The following SLC39A8 variants were observed in gnomAD, a reference collection of about 807,000 sequenced individuals.
SLC39A8 encodes solute carrier family 39 member 8, also known as metal cation symporter ZIP8.
In SLC39A8, 15 loss-of-function variants were observed where a neutral mutation model predicts 40.4. That is an observed-to-expected ratio of 0.37 (90% CI 0.25 to 0.57). The LOEUF (loss-of-function observed/expected upper bound fraction) is 0.57. Ranked by LOEUF, SLC39A8 falls within the 20% of genes least tolerant of loss-of-function variation. SLC39A8 has a pLI of 0.75. For synonymous variants in SLC39A8, 223 were observed against 221.6 expected, an observed-to-expected ratio of 1.01 and a Z score of -0.06; for missense variants, 472 against 558.8, an observed-to-expected ratio of 0.84 and a Z score of 1.57.
intron 6 of SLC39A8, among the ~76,000 whole-genome samples, chr4:102,288,883 T>C (rs1426793929): frequency 6.6e-6 from 1 of 152,142 alleles, no homozygotes; most frequent in Non-Finnish European, 1.5e-5. Context: ...GACATAGAAG[T>C]GCCAAGTGAA....
chr4:102,343,223 A>T (rs1736018608), intron 2 of SLC39A8, among the ~76,000 whole-genome samples: 1 of 152,222 alleles, frequency 6.6e-6, no homozygotes, highest in South Asian at 2.1e-4. Flanking sequence ...ATGGCATCAG[A>T]AAGTTCTACT....
In SLC39A8 at chr4:102,344,539, T is replaced by C; in HGVS notation, c.124A>G (p.Ser42Gly). Reference sequence around the variant, plus strand: ...TGCTGGAGCTGCGCCGCCGACAGGCTCAGATTCGCGCCGAACACGCTCAGC... The same window carrying C: ...TGCTGGAGCTGCGCCGCCGACAGGCCCAGATTCGCGCCGAACACGCTCAGC... ...DVLSVFGANL[S>G]LSAAQLQHLL... is the part of the protein sequence containing the mutation. Residue 42 changes from serine to glycine, a missense_variant, in exon 2 of 9, where the codon AGC becomes GGC. Coordinates refer to ENST00000356736, the MANE Select transcript of SLC39A8 (RefSeq NM_001135146.2). 1.3e-6 allele frequency: 2 copies of C among 1,558,702 alleles called. No homozygotes were observed. Among genetic ancestry groups the C allele is most frequent in the Non-Finnish European group, 1.7e-6 (2 of 1,151,384 alleles).
rs903194617 is a variant in SLC39A8, at chr4:102,344,776, C to A, written c.-114G>T. The A allele has an allele frequency of 2.3e-6, 3 of 1,326,502 alleles. No homozygotes were observed. The highest frequency in any genetic ancestry group is 1.5e-5 in the African/African-American group (1 of 64,598). 82.2% of individuals were successfully genotyped at this position (1,326,502 alleles called of 1,614,324 possible). On this transcript the variant is annotated 5_prime_UTR_variant, in exon 2 of 9. Coordinates refer to ENST00000356736, the MANE Select transcript of SLC39A8 (RefSeq NM_001135146.2). ...GGAGCGTCAGTGCTCGGCGCTGCTC[C>A]GAGTCAGAGGTGGCGCGGGACGCCC...
At chr4:102,302,824 G>A (rs768627237) in intron 6 of SLC39A8, among the ~76,000 whole-genome samples, 22 of 151,988 alleles carry the variant, frequency 1.4e-4, no homozygotes, top group Non-Finnish European at 2.5e-4. Context: ...AGCATTTAAT[G>A]AATGTTAATT....
At chr4:102,283,627 T>C (rs755623354) in intron 6 of SLC39A8, among the ~76,000 whole-genome samples, 2 of 148,570 alleles carry the variant, frequency 1.3e-5, no homozygotes, top group Non-Finnish European at 3.0e-5. Context: ...CCACTACATA[T>C]AATCTACTGT....
chr4:102,288,739 C>T (rs1733293991), intron 6 of SLC39A8, among the ~76,000 whole-genome samples: 1 of 152,118 alleles, frequency 6.6e-6, no homozygotes, highest in African/African-American at 2.4e-5. Flanking sequence ...AAACCACCCA[C>T]AACATACCCT....
At chr4:102,280,143 C>A (rs1312470940) in intron 6 of SLC39A8, among the ~76,000 whole-genome samples, 4 of 152,154 alleles carry the variant, frequency 2.6e-5, no homozygotes, top group Admixed American at 2.6e-4. Flanking sequence ...GATCACTGTT[C>A]CACGTACAGT....
intron 6 of SLC39A8, among the ~76,000 whole-genome samples, chr4:102,298,835 C>T (rs554810642): frequency 1.3e-5 from 2 of 152,102 alleles, no homozygotes; most frequent in Middle Eastern, 6.8e-3. Context: ...GACCCAGAAC[C>T]TCAAAAAAGT....
At chr4:102,287,762 G>A (rs548056435) in intron 6 of SLC39A8, among the ~76,000 whole-genome samples, 3 of 152,032 alleles carry the variant, frequency 2.0e-5, no homozygotes, top group East Asian at 1.9e-4. Context: ...CATTTTAATC[G>A]ATGAGAAGCA....
Position 102,304,474 on chromosome 4 carries a change from T to A in SLC39A8, c.683A>T (p.His228Leu), listed in dbSNP as rs980506775. 1.2e-6 allele frequency: 2 copies of A among 1,610,070 alleles called. No individual in the cohort carries two copies. The highest frequency in any genetic ancestry group is 2.7e-5 in the African/African-American group (2 of 74,722). Residue 228 changes from histidine (H) to leucine (L), a missense_variant, in exon 6 of 9, where the codon CAT becomes CTT. His to Leu is a moderately conservative substitution (Grantham distance 99). Around this residue, in one of 4 missense-constraint regions of SLC39A8, gnomAD observed 239 missense variants for 317.9 expected, o/e 0.75. Coordinates refer to ENST00000356736, the MANE Select transcript of SLC39A8 (RefSeq NM_001135146.2). ...MLLKTYGQNG[H>L]THFGNDNFGP... ...AAAGTTATCATTTCCAAAGTGGGTA[T>A]GACCATTCTATATGGGAACAAAAAC... is the stretch of plus-strand genomic sequence containing the variant.
Position 102,344,570 on chromosome 4 carries a change from C to T in SLC39A8, c.93G>A (p.Glu31=). ...VAEGPGLAFS[E]DVLSVFGANL... ...TCGCGCCGAACACGCTCAGCACATC[C>T]TCGCTGAAGGCTAGCCCTGGCCCCT... Residue 31 remains glutamate, a synonymous_variant, in exon 2 of 9, where the codon GAG becomes GAA. Transcript: ENST00000356736. 6.4e-7 allele frequency: 1 copy of T among 1,551,568 alleles called. No homozygotes were observed. The highest frequency in any genetic ancestry group is 8.7e-7 in the Non-Finnish European group (1 of 1,147,690).
intron 5 of SLC39A8, 146 bp from the exon 6 acceptor site, chr4:102,304,627 A>G (rs1734071392): frequency 1.5e-6 from 1 of 663,498 alleles, no homozygotes; most frequent in South Asian, 2.7e-5. Flanking sequence ...GATATATAAA[A>G]TTTCTCTTTT....
chr4:102,282,405 A>T (rs956299016), intron 6 of SLC39A8, among the ~76,000 whole-genome samples: 3 of 152,210 alleles, frequency 2.0e-5, no homozygotes, highest in Non-Finnish European at 4.4e-5. Flanking sequence ...GGATGTGCAT[A>T]AAAAAAGTTC....
intron 6 of SLC39A8, among the ~76,000 whole-genome samples, chr4:102,289,307 T>C (rs1733317948): frequency 6.6e-6 from 1 of 152,082 alleles, no homozygotes. Flanking sequence ...TAAAAGAAAT[T>C]CCTTTCAAAA....
rs80026747 is a variant in SLC39A8, at chr4:102,282,412, G to T, written c.841-14333C>A. ...CATGGAAAGGATGTGCATAAAAAAAGTTCATTAATCAATTCCAAATTGGTT... is the reference window on the plus strand; with the variant it reads ...CATGGAAAGGATGTGCATAAAAAAATTTCATTAATCAATTCCAAATTGGTT... On this transcript the variant is annotated intron_variant, in intron 6 of 8. Transcript: ENST00000356736. Among the ~76,000 whole-genome samples the T allele has an allele frequency of 1.0e-2, 1,516 of 152,268 alleles. 24 individuals carry two copies. Among genetic ancestry groups the T allele is most frequent in the African/African-American group, 0.035 (1,448 of 41,552 alleles).
chr4:102,286,853 T>C (rs1733206202), intron 6 of SLC39A8, among the ~76,000 whole-genome samples: 1 of 152,170 alleles, frequency 6.6e-6, no homozygotes, highest in Non-Finnish European at 1.5e-5. Flanking sequence ...CAAAAGTTCA[T>C]TTGTAAGCTA....
chr4:102,256,012 A>G (rs1731701445), intron 11 of SLC39A8, among the ~76,000 whole-genome samples: 1 of 152,206 alleles, frequency 6.6e-6, no homozygotes, highest in Non-Finnish European at 1.5e-5. Context: ...ATGGAAACAC[A>G]AAAGATACAA....
intron 6 of SLC39A8, among the ~76,000 whole-genome samples, chr4:102,284,113 A>G (rs568067909): frequency 6.6e-6 from 1 of 152,302 alleles, no homozygotes; most frequent in South Asian, 2.1e-4. Context: ...TTTGTATTTT[A>G]TGTGTATAAA....
exon 12 of SLC39A8, chr4:102,252,985 G>C (rs549476462): frequency 1.3e-5 from 2 of 150,208 alleles, no homozygotes; most frequent in African/African-American, 5.0e-5. Flanking sequence ...TCTTTACATG[G>C]TGTAGCTAGT....
Sources: allele counts gnomAD v4.1 joint callset (sites outside exome capture counted in the v4.1 genomes callset), GRCh38; gene constraint gnomAD v4.1.1; regional missense constraint gnomAD v4.1.1; transcripts MANE v1.5; gene names NCBI Gene and HGNC (gene_info 2026-07-23, HGNC 2026-07-21).